Variants in PIEZO2 observed in about 807,000 individuals in gnomAD.
PIEZO2 encodes the protein piezo type mechanosensitive ion channel component 2.
In PIEZO2, 172 loss-of-function variants were observed where a neutral mutation model predicts 337.3. That is an observed-to-expected ratio of 0.51 (90% CI 0.45 to 0.58). The LOEUF (loss-of-function observed/expected upper bound fraction) is 0.58. PIEZO2 is among the 20% of genes least tolerant of loss of function. The pLI, the probability that PIEZO2 is intolerant of heterozygous loss-of-function variation, is 0.00. For missense variants in PIEZO2, 3,028 were observed against 3,391.3 expected (o/e 0.89, Z 2.66); for synonymous variants, 1,251 against 1,228.5 (o/e 1.02, Z -0.38).
Position 10,726,340 on chromosome 18 carries a change from C to G in PIEZO2, c.5029+5067G>C. The G allele has an allele frequency of 4.7e-6, 7 of 1,476,156 alleles. No homozygotes were observed. Among genetic ancestry groups the G allele is most frequent in the Non-Finnish European group, 6.3e-6 (7 of 1,107,990 alleles). 91.4% of individuals were successfully genotyped at this position (1,476,156 alleles called of 1,614,324 possible). ...GTGGGTCCCCGAACGCCCCGCCCAG[C>G]GCTGCCTCCCTTCGCCTTCCCCGCA... On this transcript the variant is annotated intron_variant, in intron 36 of 55. Coordinates refer to ENST00000674853, the MANE Select transcript of PIEZO2 (RefSeq NM_001378183.1). The surrounding 1 kb of genome is among the most constrained non-coding windows in gnomAD (Gnocchi z 5.9).
chr18:10,916,055 G>A (rs933334712), intron 3 of PIEZO2, among the ~76,000 whole-genome samples: 1 of 152,152 alleles, frequency 6.6e-6, no homozygotes, highest in South Asian at 2.1e-4. Flanking sequence ...GCTAGACACA[G>A]AGTGCTTGGC....
At position 10,980,022 on chromosome 18, in the gene PIEZO2, T is replaced by C. The variant is rs1349058544; in HGVS notation, c.161-362A>G. Among the ~76,000 whole-genome samples the C allele has an allele frequency of 6.6e-6, 1 of 152,060 alleles. No homozygotes were observed. The highest frequency in any genetic ancestry group is 6.6e-5 in the Admixed American group (1 of 15,250). ...GTCTTAGAAAAATAATTCTAGGAAG[T>C]ACAAAAGGAAGAAAAGTTATCTAAA... On this transcript the variant is annotated intron_variant, in intron 2 of 55. Transcript: ENST00000674853. This position sits in a 1 kb window ranked among gnomAD's most constrained non-coding sequence, Gnocchi z 4.8.
Position 11,102,247 on chromosome 18 carries a change from T to TA in PIEZO2, c.65-36026dup, listed in dbSNP as rs765237185. Among the ~76,000 whole-genome samples the TA allele has an allele frequency of 9.9e-5, 15 of 152,232 alleles. No individual in the cohort carries two copies. The highest frequency in any genetic ancestry group is 1.8e-4 in the Non-Finnish European group (12 of 68,036). On this transcript the variant is annotated intron_variant, in intron 1 of 55. Coordinates refer to ENST00000674853, the MANE Select transcript of PIEZO2 (RefSeq NM_001378183.1). This position sits in a 1 kb window ranked among gnomAD's most constrained non-coding sequence, Gnocchi z 5.7. Reference sequence around the variant, plus strand: ...ATGAGATAAAAAATACATTCTAATTTAAAATGTATCCAGTGAGCTTAATCT... The same window carrying TA: ...ATGAGATAAAAAATACATTCTAATTTAAAAATGTATCCAGTGAGCTTAATCT...
chr18:10,670,461 T>G lies in PIEZO2; in HGVS notation c.*1066A>C, dbSNP rs552764452. The G allele has an allele frequency of 9.8e-5, 15 of 152,336 alleles. No individual in the cohort carries two copies. Among genetic ancestry groups the G allele is most frequent in the African/African-American group, 3.4e-4 (14 of 41,580 alleles). 9.4% of individuals were successfully genotyped at this position (152,336 alleles called of 1,614,324 possible). A position where few individuals can be genotyped will look rare whatever the true frequency, so the allele number is the denominator to read the frequency against. On this transcript the variant is annotated 3_prime_UTR_variant, in exon 56 of 56. Coordinates refer to ENST00000674853, the MANE Select transcript of PIEZO2 (RefSeq NM_001378183.1). ...TAATAATAATTTAAGAAAAGGCCAT[T>G]TTTATTTCCCCAAGCTCAATATACA...
chr18:10,844,924 C>A (rs2041308634), intron 7 of PIEZO2, among the ~76,000 whole-genome samples: 1 of 151,842 alleles, frequency 6.6e-6, no homozygotes, highest in African/African-American at 2.4e-5. Flanking sequence ...GTCACAAGCA[C>A]CTAAAAGTAG....
intron 2 of PIEZO2, among the ~76,000 whole-genome samples, chr18:11,040,564 C>T (rs536127212): frequency 3.3e-5 from 5 of 152,230 alleles, no homozygotes; most frequent in Non-Finnish European, 5.9e-5. Context: ...GTGAATGTTA[C>T]GTAATTTTCA....
chr18:10,829,813 T>A (rs977460513), intron 7 of PIEZO2, among the ~76,000 whole-genome samples: 16 of 152,022 alleles, frequency 1.1e-4, no homozygotes, highest in Non-Finnish European at 2.1e-4. Context: ...AATAAAAAGA[T>A]ATTCCATATT....
At chr18:10,989,740 G>A (rs1030119186) in intron 2 of PIEZO2, among the ~76,000 whole-genome samples, 1 of 152,028 alleles carries the variant, frequency 6.6e-6, no homozygotes, top group Non-Finnish European at 1.5e-5. Context: ...GTTTATACAG[G>A]GAAGCTAAAG....
intron 36 of PIEZO2, among the ~76,000 whole-genome samples, chr18:10,730,443 T>G (rs2036717938): frequency 6.6e-6 from 1 of 152,246 alleles, no homozygotes; most frequent in Non-Finnish European, 1.5e-5. Context: ...TTTTCTTTTC[T>G]TGATTTCTAG....
rs1383796409 is a variant in PIEZO2 at position 10,943,945 on chromosome 18, G to T, written c.287-32717C>A. On this transcript the variant is annotated intron_variant, in intron 3 of 55. Transcript: ENST00000674853. The surrounding 1 kb of genome is among the most constrained non-coding windows in gnomAD (Gnocchi z 4.5). The stretch of plus-strand genomic sequence containing the variant: ...CTCTGAACAAGCTCTCTCTTTGCCT[G>T]CTGCCATCCACGTATGATGTGACTT... Among the ~76,000 whole-genome samples, 1 of 152,152 alleles carries T rather than the reference G, an allele frequency of 6.6e-6. No homozygotes were observed. The highest frequency in any genetic ancestry group is 1.5e-5 in the Non-Finnish European group (1 of 68,036).
At chr18:11,065,043 G>A (rs2038104499) in intron 2 of PIEZO2, among the ~76,000 whole-genome samples, 1 of 152,126 alleles carries the variant, frequency 6.6e-6, no homozygotes, top group Non-Finnish European at 1.5e-5. Context: ...TGTGTATTAA[G>A]GATTTAGGTG....
rs557249645 is a variant in PIEZO2 at position 10,767,794 on chromosome 18, G to C, written c.2946+2354C>G. On this transcript the variant is annotated intron_variant, in intron 21 of 55. Coordinates refer to ENST00000674853, the MANE Select transcript of PIEZO2 (RefSeq NM_001378183.1). This position sits in a 1 kb window ranked among gnomAD's most constrained non-coding sequence, Gnocchi z 4.2. ...TCTGGAAGGGCAGCAGGACTCCACA[G>C]AGGAGTCCAGGAGGAGAAGGTGCTG... Among the ~76,000 whole-genome samples the C allele has an allele frequency of 6.6e-6, 1 of 152,224 alleles. No homozygotes were observed. The highest frequency in any genetic ancestry group is 2.1e-4 in the South Asian group (1 of 4,826).
intron 4 of PIEZO2, chr18:10,893,679 G>A (rs964073164): frequency 1.3e-5 from 2 of 152,068 alleles, no homozygotes; most frequent in Admixed American, 6.6e-5. Flanking sequence ...TATAAGGTAC[G>A]TTTTTAACAA....
At chr18:10,758,714 T>A (rs1326658317) in intron 26 of PIEZO2, among the ~76,000 whole-genome samples, 1 of 152,192 alleles carries the variant, frequency 6.6e-6, no homozygotes, top group African/African-American at 2.4e-5. Context: ...TTCTTTATCC[T>A]TTCCATCCTC....
intron 43 of PIEZO2, 37 bp downstream of exon 43, chr18:10,701,952 G>A: frequency 6.9e-7 from 1 of 1,455,050 alleles, no homozygotes. Context: ...CTAGGAAGAT[G>A]ACCAACTTGA....
rs145530819 is a variant in PIEZO2 at position 10,757,752 on chromosome 18, A to C, written c.3923+217T>G. 9.8e-4 allele frequency among the ~76,000 whole-genome samples: 149 copies of C among 152,144 alleles called. 5 individuals are homozygous for C. In the East Asian group the frequency reaches 0.027, roughly 28 times the overall value. On this transcript the variant is annotated intron_variant, in intron 27 of 55. Coordinates refer to ENST00000674853, the MANE Select transcript of PIEZO2 (RefSeq NM_001378183.1). The stretch of plus-strand genomic sequence containing the variant: ...GAAGAAGAGGAGGAGAACTGAGGCC[A>C]TAAAGAGGCGGTTTACATTGACAAA...
At chr18:10,974,654 C>A (rs2034371393) in intron 3 of PIEZO2, among the ~76,000 whole-genome samples, 1 of 152,214 alleles carries the variant, frequency 6.6e-6, no homozygotes, top group Non-Finnish European at 1.5e-5. Context: ...GCTCAGACTC[C>A]AGCTGAGACA....
In PIEZO2 at chr18:10,746,596, A is replaced by G. The variant is rs900154251; in HGVS notation, c.4424+1875T>C. 7.2e-5 allele frequency among the ~76,000 whole-genome samples: 11 copies of G among 152,206 alleles called. No homozygotes were observed. The East Asian group carries it at 2.1e-3, about 30-fold the overall frequency. On this transcript the variant is annotated intron_variant, in intron 30 of 55. Transcript: ENST00000674853. This position sits in a 1 kb window ranked among gnomAD's most constrained non-coding sequence, Gnocchi z 4.2. ...TGAATGTCTGCATCCCCTACAATTC[A>G]CATGTGGAAATCCTGACTCCCAAGG...
chr18:11,086,475 C>T (rs1001895799), intron 1 of PIEZO2, among the ~76,000 whole-genome samples: 17 of 150,082 alleles, frequency 1.1e-4, no homozygotes, highest in African/African-American at 3.7e-4. Context: ...GCCGAGATCC[C>T]GCCACTGCAC....
Sources: gnomAD v4.1 joint callset for allele counts (sites outside exome capture counted in the v4.1 genomes callset) on GRCh38, gnomAD v4.1.1 for gene constraint, Gnocchi (gnomAD v3.1) non-coding constraint, MANE v1.5 for transcripts, NCBI Gene and HGNC (gene_info 2026-07-23, HGNC 2026-07-21) for gene names.